PSMA6: variants seen among roughly 807,000 people sequenced by gnomAD.
The protein encoded by PSMA6 is proteasome subunit alpha type-6.
For synonymous variants in PSMA6, 88 were observed against 97.7 expected (o/e 0.90, Z 0.59); for missense variants, 170 against 294.8 (o/e 0.58, Z 3.10).
At chr14:35,292,345 C>G (rs903693385), upstream of PSMA6, 12 of 1,514,052 alleles carry the variant, frequency 7.9e-6, no homozygotes, top group South Asian at 3.9e-5. Flanking sequence ...GCCGTGAGTT[C>G]GGCATGCAAG....
intron 1 of PSMA6, 198 bp downstream of exon 1, chr14:35,292,750 GTC>G (rs1450907278): frequency 3.8e-6 from 4 of 1,052,462 alleles, no homozygotes; most frequent in Non-Finnish European, 5.4e-6. Context: ...CTGAAGGCCT[GTC>G]TCTGCAGGGC....
chr14:35,289,980 A>G (rs1163972281), upstream of PSMA6, among the ~76,000 whole-genome samples: 1 of 151,866 alleles, frequency 6.6e-6, no homozygotes, highest in Admixed American at 6.6e-5. Flanking sequence ...GAGGGGGAGA[A>G]GTATTAAGAA....
intron 1 of PSMA6, among the ~76,000 whole-genome samples, chr14:35,281,444 A>G (rs2051365273): frequency 6.6e-6 from 1 of 152,192 alleles, no homozygotes; most frequent in South Asian, 2.1e-4. Context: ...CTCAAACTTA[A>G]TAGGCATAGA....
chr14:35,291,515 C>A (rs1286895036), upstream of PSMA6, among the ~76,000 whole-genome samples: 1 of 151,742 alleles, frequency 6.6e-6, no homozygotes, highest in Non-Finnish European at 1.5e-5. Context: ...CCACCGCGCC[C>A]GGCCTCCGCT....
intron 1 of PSMA6, among the ~76,000 whole-genome samples, chr14:35,297,758 G>A (rs2051626655): frequency 6.6e-6 from 1 of 152,170 alleles, no homozygotes; most frequent in Non-Finnish European, 1.5e-5. Flanking sequence ...TGTTCTCACA[G>A]CCTGAGCTGT....
intron 1 of PSMA6, among the ~76,000 whole-genome samples, chr14:35,304,706 G>A (rs887747430): frequency 4.8e-5 from 7 of 146,944 alleles, no homozygotes; most frequent in Admixed American, 1.4e-4. Flanking sequence ...CAACCTGGGC[G>A]ACAGAGTGAA....
chr14:35,294,998 T>C (rs2051555769), intron 1 of PSMA6, among the ~76,000 whole-genome samples: 1 of 152,130 alleles, frequency 6.6e-6, no homozygotes, highest in African/African-American at 2.4e-5. Flanking sequence ...AAAAGATAAA[T>C]GTCGTCTAAA....
intron 1 of PSMA6, among the ~76,000 whole-genome samples, chr14:35,284,579 G>A (rs537688733): frequency 3.3e-5 from 5 of 152,310 alleles, no homozygotes; most frequent in African/African-American, 1.2e-4. Context: ...TGCCCAAAGA[G>A]GGAGCTCAGT....
chr14:35,309,014 T>C lies in PSMA6; in HGVS notation c.253+19T>C, dbSNP rs975421793. 1.3e-6 allele frequency: 2 copies of C among 1,513,728 alleles called. No homozygotes were observed. Among genetic ancestry groups the C allele is most frequent in the Non-Finnish European group, 1.8e-6 (2 of 1,096,912 alleles). The allele number at this position is 1,513,728 out of a possible 1,614,324, so 93.8% of individuals were successfully genotyped here. The stretch of plus-strand genomic sequence containing the variant: ...ATGACAGGTAATTAATCTGTAGATA[T>C]ACAAGACATCTGTAGATATACAAGC... On this transcript the variant is annotated intron_variant, in intron 3 of 6. Transcript: ENST00000261479.
intron 1 of PSMA6, among the ~76,000 whole-genome samples, chr14:35,300,078 A>G (rs1055239766): frequency 6.6e-6 from 1 of 152,184 alleles, no homozygotes; most frequent in Non-Finnish European, 1.5e-5. Flanking sequence ...GTACCATGCT[A>G]GAGTTTGGAC....
At chr14:35,294,759 T>C (rs962923114) in intron 1 of PSMA6, among the ~76,000 whole-genome samples, 15 of 152,148 alleles carry the variant, frequency 9.9e-5, no homozygotes, top group Admixed American at 9.8e-4. Flanking sequence ...TTTCCCTTTT[T>C]ATGGGTCCTT....
At chr14:35,316,043 C>T (rs1431914907) in intron 6 of PSMA6, 1 of 152,152 alleles carries the variant, frequency 6.6e-6, no homozygotes, top group African/African-American at 2.4e-5. Context: ...GTCACATTAA[C>T]AAGGTTGCCA....
At chr14:35,308,196 C>T in intron 2 of PSMA6, 108 bp downstream of exon 2, 1 of 1,428,776 alleles carries the variant, frequency 7.0e-7, no homozygotes, top group Non-Finnish European at 9.5e-7. Context: ...CTGAGGTGGG[C>T]AGATCACCTT....
At chr14:35,286,908 A>G (rs2051426633) in intron 1 of PSMA6, among the ~76,000 whole-genome samples, 1 of 152,100 alleles carries the variant, frequency 6.6e-6, no homozygotes, top group South Asian at 2.1e-4. Context: ...CTTTATTGGA[A>G]TCTGGGGTTT....
intron 4 of PSMA6, 25 bp from the exon 5 acceptor site, chr14:35,312,856 T>C: frequency 6.4e-7 from 1 of 1,556,048 alleles, no homozygotes; most frequent in Non-Finnish European, 8.6e-7. Context: ...CTAAAACATT[T>C]AATTAGGGTC....
intron 1 of PSMA6, among the ~76,000 whole-genome samples, chr14:35,298,277 T>C (rs1334691899): frequency 6.6e-6 from 1 of 151,846 alleles, no homozygotes; most frequent in Non-Finnish European, 1.5e-5. Context: ...ATAACCTAAG[T>C]TTAGGTGTTC....
intron 2 of PSMA6, chr14:35,308,433 GAAA>G (rs755648113): frequency 1.1e-5 from 2 of 179,740 alleles, no homozygotes; most frequent in Non-Finnish European, 1.2e-5. Context: ...AAAAAAAAAA[GAAA>G]AAAGAAAAGA....
upstream of PSMA6, among the ~76,000 whole-genome samples, chr14:35,288,496 T>A (rs913972616): frequency 2.0e-5 from 3 of 152,120 alleles, no homozygotes; most frequent in Non-Finnish European, 4.4e-5. Context: ...AGGCTCCATC[T>A]CAAAAAATAA....
At chr14:35,292,367 C>G, upstream of PSMA6, 1 of 1,528,236 alleles carries the variant, frequency 6.5e-7, no homozygotes. Flanking sequence ...GCGGAAGAAA[C>G]GCGGCTGGTA....
Sources: allele counts gnomAD v4.1 joint callset (sites outside exome capture counted in the v4.1 genomes callset), GRCh38; gene constraint gnomAD v4.1.1; transcripts MANE v1.5; gene names NCBI Gene and HGNC (gene_info 2026-07-23, HGNC 2026-07-21).